ERBIN: variants seen among roughly 807,000 people sequenced by gnomAD.
ERBIN encodes densin-180-like protein.
ERBIN carries 60 observed loss-of-function variants against 158.4 expected under a neutral mutation model. The ratio of observed to expected loss-of-function variants is 0.38; its 90% CI spans 0.31 to 0.47. The LOEUF (loss-of-function observed/expected upper bound fraction) is 0.47. Among genes scored for constraint, ERBIN ranks in the 20% least tolerant of loss-of-function variants. The probability of loss-of-function intolerance (pLI) is 0.99; values close to 1 mark genes in which losing one functional copy is unlikely to be tolerated. For missense variants in ERBIN, 1,610 were observed against 1,648.0 expected (o/e 0.98, Z 0.40); for synonymous variants, 594 against 557.2 (o/e 1.07, Z -0.93).
At chr5:66,068,522 A>G (rs1232551838) in intron 21 of ERBIN, among the ~76,000 whole-genome samples, 1 of 152,162 alleles carries the variant, frequency 6.6e-6, no homozygotes, top group African/African-American at 2.4e-5. Context: ...TGTTCTGTAT[A>G]TGACTTTAGA....
At chr5:65,964,685 A>G (rs1275819158) in intron 1 of ERBIN, among the ~76,000 whole-genome samples, 1 of 150,938 alleles carries the variant, frequency 6.6e-6, no homozygotes, top group African/African-American at 2.4e-5. Context: ...TACTGCAGAC[A>G]TTTGCACTAA....
At position 66,013,586 on chromosome 5, in the gene ERBIN, C is replaced by A. The variant is rs1754426468; in HGVS notation, c.424C>A (p.Gln142Lys). 6 of 1,613,358 alleles carry A rather than the reference C, an allele frequency of 3.7e-6. No individual in the cohort carries two copies. In the East Asian group the frequency reaches 1.3e-4, roughly 36 times the overall value. Residue 142 changes from glutamine (Q) to lysine (K), a missense_variant, in exon 6 of 26, where the codon CAG becomes AAG. By Grantham distance (53) the Gln-to-Lys change is moderately conservative. Transcript: ENST00000284037. Reference protein sequence around the residue: ...DGFSQLLNLTQLYLNDAFLEF... With the variant: ...DGFSQLLNLTKLYLNDAFLEF... ...ATTTTCTCAGCTGTTAAACCTAACC[C>A]AGTTGTATCTGAATGATGCTTTTCT...
intron 4 of ERBIN, among the ~76,000 whole-genome samples, chr5:66,010,206 A>G (rs1312215959): frequency 6.6e-6 from 1 of 151,998 alleles, no homozygotes; most frequent in Non-Finnish European, 1.5e-5. Flanking sequence ...TTTGAAAGTT[A>G]TTGGCCATTT....
chr5:65,940,372 G>A lies in ERBIN; in HGVS notation c.-58+13566G>A, dbSNP rs1163282968. Among the ~76,000 whole-genome samples, 3 of 148,178 alleles carry A rather than the reference G, an allele frequency of 2.0e-5. 1 individual carries two copies. The highest frequency in any genetic ancestry group is 7.8e-5 in the African/African-American group (3 of 38,262). ...CCGGCAGCCACCCCGTCTGGGAAGT[G>A]AGGAGCATCTCCGCCCGGCAGCCAC... On this transcript the variant is annotated intron_variant, in intron 1 of 25. Transcript: ENST00000284037.
At chr5:66,031,860 G>T (rs189365089) in intron 14 of ERBIN, among the ~76,000 whole-genome samples, 1 of 152,050 alleles carries the variant, frequency 6.6e-6, no homozygotes, top group East Asian at 1.9e-4. Context: ...TAAAAAAGAG[G>T]AATAGGATTT....
chr5:65,956,078 C>T (rs1730986201), intron 1 of ERBIN, among the ~76,000 whole-genome samples: 1 of 152,132 alleles, frequency 6.6e-6, no homozygotes, highest in African/African-American at 2.4e-5. Flanking sequence ...GAAATGTATT[C>T]ACCCCTAATA....
At chr5:66,055,866 T>A (rs1364126990) in intron 21 of ERBIN, among the ~76,000 whole-genome samples, 1 of 152,198 alleles carries the variant, frequency 6.6e-6, no homozygotes, top group Admixed American at 6.5e-5. Flanking sequence ...TCAGTTTACA[T>A]GAAATCTCAG....
chr5:66,043,250 A>T, intron 16 of ERBIN, 52 bp downstream of exon 16: 3 of 1,574,938 alleles, frequency 1.9e-6, no homozygotes, highest in Non-Finnish European at 2.6e-6. Flanking sequence ...CTGATATTTA[A>T]GTTGGTATTA....
intron 21 of ERBIN, among the ~76,000 whole-genome samples, chr5:66,064,840 A>G (rs1232032390): frequency 6.6e-6 from 1 of 152,144 alleles, no homozygotes; most frequent in Non-Finnish European, 1.5e-5. Flanking sequence ...CTGATTTGAG[A>G]TATTTGGTCA....
chr5:65,969,395 A>G (rs1481173952), intron 1 of ERBIN, among the ~76,000 whole-genome samples: 1 of 152,208 alleles, frequency 6.6e-6, no homozygotes, highest in African/African-American at 2.4e-5. Flanking sequence ...GCCACTCAAT[A>G]TGGCTTTGTG....
chr5:65,945,433 A>G (rs1745624397), intron 1 of ERBIN, among the ~76,000 whole-genome samples: 1 of 152,052 alleles, frequency 6.6e-6, no homozygotes, highest in Non-Finnish European at 1.5e-5. Flanking sequence ...GTTCTTGGTC[A>G]TTTCTCATTT....
chr5:65,978,847 A>G (rs1002237519), intron 1 of ERBIN, among the ~76,000 whole-genome samples: 8 of 152,358 alleles, frequency 5.3e-5, no homozygotes, highest in Non-Finnish European at 1.2e-4. Flanking sequence ...TGCAAATTCA[A>G]GGAGTGCTTG....
In ERBIN at chr5:65,967,769, T is replaced by G. The variant is rs532139453; in HGVS notation, c.-57-20866T>G. 4.6e-5 allele frequency among the ~76,000 whole-genome samples: 7 copies of G among 152,382 alleles called. No homozygotes were observed. The South Asian group carries it at 1.0e-3, about 23-fold the overall frequency. ...AACCATCTGAAACTTAGTGATATTA[T>G]AAACCAAGAAGAGTCATCAGTATTA... On this transcript the variant is annotated intron_variant, in intron 1 of 25. Transcript: ENST00000284037.
intron 25 of ERBIN, among the ~76,000 whole-genome samples, chr5:66,077,605 T>A (rs551565610): frequency 6.6e-4 from 100 of 152,086 alleles, no homozygotes; most frequent in South Asian, 2.7e-3. Flanking sequence ...TTAAAAAAAA[T>A]TTTTTTTGAA....
At chr5:66,025,448 G>A in intron 10 of ERBIN, 32 bp from the exon 11 acceptor site, 2 of 1,550,530 alleles carry the variant, frequency 1.3e-6, no homozygotes, top group Non-Finnish European at 1.8e-6. Context: ...ATTTTAAGCT[G>A]AAAAATTGTA....
At chr5:65,995,742 G>A (rs1752364517) in intron 4 of ERBIN, among the ~76,000 whole-genome samples, 1 of 152,114 alleles carries the variant, frequency 6.6e-6, no homozygotes, top group Non-Finnish European at 1.5e-5. Flanking sequence ...CACCAACAGT[G>A]TGCAAGCATT....
intron 1 of ERBIN, among the ~76,000 whole-genome samples, chr5:65,987,257 G>C (rs1198335738): frequency 6.6e-6 from 1 of 151,924 alleles, no homozygotes; most frequent in Non-Finnish European, 1.5e-5. Flanking sequence ...GTCTTGAAAG[G>C]AAGGCCAGGT....
At chr5:66,018,513 T>TATAA (rs1755163739) in intron 7 of ERBIN, among the ~76,000 whole-genome samples, 1 of 8,716 alleles carries the variant, frequency 1.1e-4, no homozygotes, top group African/African-American at 2.6e-4. Flanking sequence ...ATATTATATA[T>TATAA]TATATAATAT....
At chr5:65,994,901 G>A (rs779153488) in intron 4 of ERBIN, 37 bp downstream of exon 4, 3 of 1,238,856 alleles carry the variant, frequency 2.4e-6, no homozygotes, top group Non-Finnish European at 2.3e-6. Flanking sequence ...TTGTACTTGG[G>A]AACATGTTTC....
Sources: gnomAD v4.1 joint callset for allele counts (sites outside exome capture counted in the v4.1 genomes callset) on GRCh38, gnomAD v4.1.1 for gene constraint, MANE v1.5 for transcripts, NCBI Gene and HGNC (gene_info 2026-07-23, HGNC 2026-07-21) for gene names.